RNF157: variants seen among roughly 807,000 people sequenced by gnomAD.
The protein encoded by RNF157 is E3 ubiquitin ligase RNF157.
RNF157 carries 55 observed loss-of-function variants against 88.3 expected under a neutral mutation model. The ratio of observed to expected loss-of-function variants is 0.62; its 90% CI spans 0.50 to 0.78. RNF157 has a LOEUF of 0.78. Among genes scored for constraint, RNF157 ranks in the 30% least tolerant of loss-of-function variants. The probability of loss-of-function intolerance (pLI) is 0.00; values close to 1 mark genes in which losing one functional copy is unlikely to be tolerated. For missense variants in RNF157, 788 were observed against 860.8 expected (o/e 0.92, Z 1.06); for synonymous variants, 334 against 341.2 (o/e 0.98, Z 0.23).
chr17:76,231,115 A>G (rs2070184560), intron 1 of RNF157, among the ~76,000 whole-genome samples: 1 of 151,730 alleles, frequency 6.6e-6, no homozygotes, highest in Admixed American at 6.6e-5. Flanking sequence ...CTCCTGTCTC[A>G]GCCTCCCAAG....
chr17:76,226,733 A>G, intron 1 of RNF157: 1 of 1,608,760 alleles, frequency 6.2e-7, no homozygotes, highest in Non-Finnish European at 8.5e-7. Context: ...TTCAGCCCCC[A>G]AACCCGACTG....
chr17:76,167,396 G>A (rs1409526653), intron 4 of RNF157, among the ~76,000 whole-genome samples: 1 of 152,168 alleles, frequency 6.6e-6, no homozygotes, highest in East Asian at 1.9e-4. Context: ...TACCAAGATG[G>A]CACAATTTGA....
intron 1 of RNF157, among the ~76,000 whole-genome samples, chr17:76,232,294 TGGA>T (rs1003605566): frequency 7.9e-5 from 12 of 151,910 alleles, no homozygotes; most frequent in African/African-American, 2.7e-4. Flanking sequence ...AGGCTGAGGC[TGGA>T]GGAGTGCCTG....
chr17:76,180,160 CT>C (rs2069167954), intron 2 of RNF157, among the ~76,000 whole-genome samples: 1 of 152,204 alleles, frequency 6.6e-6, no homozygotes, highest in South Asian at 2.1e-4. Context: ...GAATGGCTTC[CT>C]GTTTCTCAGG....
chr17:76,164,708 G>A (rs746098591), intron 8 of RNF157, 40 bp downstream of exon 8: 19 of 1,250,170 alleles, frequency 1.5e-5, no homozygotes, highest in Non-Finnish European at 2.0e-5. Context: ...AAGGAAGGAA[G>A]GACCCTAATA....
chr17:76,199,691 G>A (rs1458727304), intron 2 of RNF157, among the ~76,000 whole-genome samples: 1 of 151,796 alleles, frequency 6.6e-6, no homozygotes, highest in Non-Finnish European at 1.5e-5. Flanking sequence ...ATCTCAACGT[G>A]AAGTGTGACT....
chr17:76,162,115 T>G, intron 9 of RNF157, 113 bp from the exon 10 acceptor site: 5 of 1,078,562 alleles, frequency 4.6e-6, no homozygotes, highest in Non-Finnish European at 6.7e-6. Context: ...ACGAACAAAA[T>G]CTGCATTGAC....
rs531645368 is a variant in RNF157, at chr17:76,186,203, T to C, written c.208-12413A>G. On this transcript the variant is annotated intron_variant, in intron 2 of 18. Transcript: ENST00000269391. ...TCCTTTCATGTCCCATTAAAAAACA[T>C]CGACTCTAAAACTATTTATGGGCCA... Among the ~76,000 whole-genome samples the C allele has an allele frequency of 2.4e-3, 369 of 152,176 alleles. 1 individual carries two copies. The highest frequency in any genetic ancestry group is 4.6e-3 in the Non-Finnish European group (311 of 67,990).
chr17:76,171,443 C>A (rs1270411802), intron 3 of RNF157, among the ~76,000 whole-genome samples: 1 of 152,178 alleles, frequency 6.6e-6, no homozygotes, highest in African/African-American at 2.4e-5. Context: ...CCGCCTTGGT[C>A]TCCCAAAGTG....
At chr17:76,214,303 G>A (rs963816110) in intron 1 of RNF157, among the ~76,000 whole-genome samples, 1 of 152,166 alleles carries the variant, frequency 6.6e-6, no homozygotes. Flanking sequence ...CTGACCAGAG[G>A]TCACAGAAGT....
At chr17:76,208,790 G>A (rs955725674) in intron 2 of RNF157, among the ~76,000 whole-genome samples, 5 of 151,982 alleles carry the variant, frequency 3.3e-5, no homozygotes, top group Non-Finnish European at 5.9e-5. Flanking sequence ...TGTCCAACAT[G>A]GTGAAACCCC....
chr17:76,225,721 A>G, intron 1 of RNF157: 3 of 1,473,334 alleles, frequency 2.0e-6, no homozygotes, highest in East Asian at 2.3e-5. Flanking sequence ...TCTATGTACA[A>G]GCACGTTGAC....
intron 7 of RNF157, among the ~76,000 whole-genome samples, chr17:76,165,285 TTTTA>T (rs982819038): frequency 2.6e-5 from 4 of 152,090 alleles, no homozygotes; most frequent in African/African-American, 7.3e-5. Context: ...CCTTTCTTTC[TTTTA>T]TTTATTTATT....
chr17:76,203,303 G>A (rs1486371794), intron 2 of RNF157, among the ~76,000 whole-genome samples: 6 of 152,102 alleles, frequency 3.9e-5, no homozygotes, highest in Admixed American at 3.9e-4. Context: ...CATTTTTTGA[G>A]TCCTTAAAAT....
chr17:76,150,310 A>G (rs2068655064), intron 18 of RNF157, among the ~76,000 whole-genome samples: 1 of 152,060 alleles, frequency 6.6e-6, no homozygotes, highest in Non-Finnish European at 1.5e-5. Flanking sequence ...CATAATCTCT[A>G]AATAGCTGGC....
At chr17:76,213,573 A>C (rs1339520898) in intron 1 of RNF157, among the ~76,000 whole-genome samples, 1 of 151,862 alleles carries the variant, frequency 6.6e-6, no homozygotes, top group Non-Finnish European at 1.5e-5. Context: ...CCATCTCAAA[A>C]AAAAAAAAAA....
chr17:76,212,536 T>C (rs1301822164), intron 1 of RNF157, 54 bp from the exon 2 acceptor site: 2 of 1,131,260 alleles, frequency 1.8e-6, no homozygotes, highest in Non-Finnish European at 2.6e-6. Flanking sequence ...TCAACCTAAA[T>C]CTAGTAAAAA....
In RNF157 at chr17:76,168,599, C is replaced by T. The variant is rs2068965226; in HGVS notation, c.297-802G>A. On this transcript the variant is annotated intron_variant, in intron 3 of 18. Coordinates refer to ENST00000269391, the MANE Select transcript of RNF157 (RefSeq NM_052916.3). ...GACTTGCTCCCATCTGTACTTGGCCCTCTGCACCTGGCTCCCAGTCGCCAC... is the reference window on the plus strand; with the variant it reads ...GACTTGCTCCCATCTGTACTTGGCCTTCTGCACCTGGCTCCCAGTCGCCAC... 2.6e-5 allele frequency among the ~76,000 whole-genome samples: 4 copies of T among 152,190 alleles called. No homozygotes were observed. In the South Asian group the frequency reaches 8.3e-4, roughly 32 times the overall value.
chr17:76,217,291 G>A (rs1311830057), intron 1 of RNF157, among the ~76,000 whole-genome samples: 3 of 151,956 alleles, frequency 2.0e-5, no homozygotes, highest in South Asian at 4.2e-4. Context: ...TTACAGGTGT[G>A]AGCCACCGAG....
Sources: gnomAD v4.1 joint callset for allele counts (sites outside exome capture counted in the v4.1 genomes callset) on GRCh38, gnomAD v4.1.1 for gene constraint, MANE v1.5 for transcripts, NCBI Gene and HGNC (gene_info 2026-07-23, HGNC 2026-07-21) for gene names.